Variants in CALCOCO1 observed in about 807,000 individuals in gnomAD.
CALCOCO1 encodes the protein calcium binding and coiled-coil domain 1.
CALCOCO1 carries 44 observed loss-of-function variants against 86.3 expected under a neutral mutation model. The ratio of observed to expected loss-of-function variants is 0.51; its 90% confidence interval spans 0.40 to 0.66. The LOEUF (loss-of-function observed/expected upper bound fraction) is 0.66, where lower values mean the gene tolerates loss of function less well. Among genes scored for constraint, CALCOCO1 ranks in the 30% least tolerant of loss-of-function variants. CALCOCO1 has a pLI of 0.00. For synonymous variants in CALCOCO1, 297 were observed against 327.6 expected (o/e 0.91, Z 1.01); for missense variants, 708 against 851.1 (o/e 0.83, Z 2.09).
chr12:53,712,751 C>A (rs781291467), intron 14 of CALCOCO1: 3 of 1,264,212 alleles, frequency 2.4e-6, no homozygotes, highest in Non-Finnish European at 3.1e-6. Flanking sequence ...CTCCCTTCCT[C>A]CCCGGAGGAC....
At position 53,711,726 on chromosome 12, in the gene CALCOCO1, C is replaced by T. The variant is rs1945556570; in HGVS notation, c.*218G>A. The T allele has an allele frequency of 2.3e-6, 1 of 442,056 alleles. No homozygotes were observed. Among genetic ancestry groups the T allele is most frequent in the Middle Eastern group, 5.8e-4 (1 of 1,730 alleles). 27.4% of individuals were successfully genotyped at this position (442,056 alleles called of 1,614,324 possible). A position where few individuals can be genotyped will look rare whatever the true frequency, so the allele number is the denominator to read the frequency against. On this transcript the variant is annotated 3_prime_UTR_variant, in exon 15 of 15. Coordinates refer to ENST00000550804, the MANE Select transcript of CALCOCO1 (RefSeq NM_020898.3). ...TTTCAGGGGATAAATTCAGCCACTG[C>T]TTCCGAACAGGACCCCTCCCTGGGA...
In CALCOCO1 at chr12:53,715,217, C is replaced by T. The variant is rs1354876722; in HGVS notation, c.1369G>A (p.Glu457Lys). ...NQVFKTELAR[E>K]KDSSLVQLSE... ...TGCCTCACCAGGCTAGAATCCTTCT[C>T]CCGGGCCAGCTCAGTCTTGAACACT... The change falls in exon 10 of 15, where the codon GAG (glutamate) becomes AAG (lysine). Residue 457 changes from glutamate (E) to lysine (K), a missense_variant. Physicochemically the swap from Glu to Lys is moderately conservative, Grantham distance 56 (BLOSUM62 1). Transcript: ENST00000550804. 1.2e-6 allele frequency: 2 copies of T among 1,614,136 alleles called. No individual in the cohort carries two copies. Among genetic ancestry groups the T allele is most frequent in the Admixed American group, 1.7e-5 (1 of 60,010 alleles).
rs1945503500 is a variant in CALCOCO1 at position 53,708,699 on chromosome 12, G to A, written c.*3245C>T. On this transcript the variant is annotated 3_prime_UTR_variant, in exon 15 of 15. Coordinates refer to ENST00000550804, the MANE Select transcript of CALCOCO1 (RefSeq NM_020898.3). ...TACTAGATTTTAGGAACACAGTGAT[G>A]TATAAGCATAGAATCTGCCTTCAAG... The A allele has an allele frequency of 6.6e-6, 1 of 152,184 alleles. No homozygotes were observed. The highest frequency in any genetic ancestry group is 2.4e-5 in the African/African-American group (1 of 41,436). The allele number at this position is 152,184 out of a possible 1,614,324, so 9.4% of individuals were successfully genotyped here.
chr12:53,724,673 G>A lies in CALCOCO1; in HGVS notation c.231C>T (p.Ser77=), dbSNP rs1945975457. ...GGAACTGGACACTGGTGTGAATGGG[G>A]GAACCATCAGTTGTACTTTCAGGCA... ...SSVPESTTDG[S]PIHTSVQFQA... The change falls in exon 3 of 15, where the codon TCC becomes TCT. Residue 77 remains serine, a synonymous_variant. Transcript: ENST00000550804. 1 of 1,614,000 alleles carries A rather than the reference G, an allele frequency of 6.2e-7. No individual in the cohort carries two copies. The highest frequency in any genetic ancestry group is 2.2e-5 in the East Asian group (1 of 44,876).
At chr12:53,714,729 G>T in intron 10 of CALCOCO1, 36 bp from the exon 11 acceptor site, 1 of 1,495,934 alleles carries the variant, frequency 6.7e-7, no homozygotes, top group South Asian at 1.1e-5. Flanking sequence ...CTGGAGCCTA[G>T]AATGTACCTC....
intron 1 of CALCOCO1, among the ~76,000 whole-genome samples, chr12:53,726,702 A>G (rs1946042743): frequency 6.6e-6 from 1 of 152,210 alleles, no homozygotes; most frequent in Non-Finnish European, 1.5e-5. Flanking sequence ...TAGGTAGAAC[A>G]AAAAGTTTTT....
At chr12:53,721,952 C>G in intron 5 of CALCOCO1, 73 bp downstream of exon 5, 3 of 1,557,598 alleles carry the variant, frequency 1.9e-6, no homozygotes, top group Non-Finnish European at 2.6e-6. Flanking sequence ...CTCCTTCACC[C>G]TCTTCACTGG....
At chr12:53,712,266 T>C (rs937095400) in intron 14 of CALCOCO1, 145 bp from the exon 15 acceptor site, 3 of 652,880 alleles carry the variant, frequency 4.6e-6, no homozygotes, top group Admixed American at 6.3e-5. Flanking sequence ...CCACAGCGTC[T>C]TTCTCCCCAC....
intron 6 of CALCOCO1, among the ~76,000 whole-genome samples, chr12:53,720,735 A>C (rs1439341680): frequency 6.6e-6 from 1 of 152,254 alleles, no homozygotes; most frequent in African/African-American, 2.4e-5. Context: ...TCATTTAATG[A>C]AATAAGGAAC....
chr12:53,711,325 G>A lies in CALCOCO1; in HGVS notation c.*619C>T, dbSNP rs558883186. On this transcript the variant is annotated 3_prime_UTR_variant, in exon 15 of 15. Coordinates refer to ENST00000550804, the MANE Select transcript of CALCOCO1 (RefSeq NM_020898.3). ...TGCGAGGAGAGGATACAGAATACAG[G>A]AATCCTCAAAAATACAAAAAACCCC... The A allele has an allele frequency of 2.0e-4, 80 of 393,368 alleles. 1 individual carries two copies. The highest frequency in any genetic ancestry group is 1.9e-3 in the Middle Eastern group (3 of 1,558). 24.4% of individuals were successfully genotyped at this position (393,368 alleles called of 1,614,324 possible).
rs564051189 is a variant in CALCOCO1, at chr12:53,720,765, A to C, written c.758+702T>G. On this transcript the variant is annotated intron_variant, in intron 6 of 14. Coordinates refer to ENST00000550804, the MANE Select transcript of CALCOCO1 (RefSeq NM_020898.3). ...AGGAACTAGAGTGTTTAAACTGGTG[A>C]AAATTTGAAGGATGGACATGGGAGG... 2.0e-5 allele frequency among the ~76,000 whole-genome samples: 3 copies of C among 152,372 alleles called. No homozygotes were observed. The South Asian group carries it at 6.2e-4, about 32-fold the overall frequency.
chr12:53,723,886 C>T, intron 3 of CALCOCO1, 103 bp from the exon 4 acceptor site: 3 of 960,702 alleles, frequency 3.1e-6, no homozygotes, highest in Non-Finnish European at 4.6e-6. Flanking sequence ...CTCCACCTCC[C>T]ACAGGCCATA....
intron 7 of CALCOCO1, among the ~76,000 whole-genome samples, chr12:53,718,422 A>G (rs1424151776): frequency 6.6e-6 from 1 of 152,188 alleles, no homozygotes; most frequent in Admixed American, 6.5e-5. Context: ...GTAATAAAAC[A>G]TTGTTTTTGT....
chr12:53,717,349 G>A (rs1945753253), intron 7 of CALCOCO1, among the ~76,000 whole-genome samples: 2 of 152,208 alleles, frequency 1.3e-5, no homozygotes, highest in South Asian at 4.1e-4. Context: ...TTACAGGCGT[G>A]GGCCACTACA....
chr12:53,721,593 T>TC lies in CALCOCO1; in HGVS notation c.631dup (p.Glu211GlyfsTer26). The TC allele has an allele frequency of 5.6e-6, 9 of 1,613,880 alleles. No homozygotes were observed. Among genetic ancestry groups the TC allele is most frequent in the Non-Finnish European group, 6.8e-6 (8 of 1,179,960 alleles). ...CAGGATGTCCCTCTCTTCTGTGATCTCCCCATGGGACCGGGAAATCCCCTG... is the reference window on the plus strand; with the variant it reads ...CAGGATGTCCCTCTCTTCTGTGATCTCCCCCATGGGACCGGGAAATCCCCTG... On this transcript the variant is annotated frameshift_variant, in exon 6 of 15. Coordinates refer to ENST00000550804, the MANE Select transcript of CALCOCO1 (RefSeq NM_020898.3). LOFTEE classifies it high-confidence loss of function.
chr12:53,725,484 T>C lies in CALCOCO1; in HGVS notation c.-24-218A>G, dbSNP rs1447054793. ...AGTCCGTCCCCATCCTGTCTCACACTGTACCCGCTCTGGCTCATAGACCCT... is the reference window on the plus strand; with the variant it reads ...AGTCCGTCCCCATCCTGTCTCACACCGTACCCGCTCTGGCTCATAGACCCT... On this transcript the variant is annotated intron_variant, in intron 1 of 14. Transcript: ENST00000550804. 2.0e-5 allele frequency among the ~76,000 whole-genome samples: 3 copies of C among 152,356 alleles called. No homozygotes were observed. The South Asian group carries it at 6.2e-4, about 32-fold the overall frequency.
intron 8 of CALCOCO1, 106 bp from the exon 9 acceptor site, chr12:53,716,153 T>C: frequency 6.3e-7 from 1 of 1,578,778 alleles, no homozygotes; most frequent in Non-Finnish European, 8.6e-7. Context: ...CGGGGTTGTG[T>C]TGTTTAGTCT....
intron 10 of CALCOCO1, 100 bp downstream of exon 10, chr12:53,715,097 AGTG>A: frequency 8.0e-6 from 11 of 1,366,704 alleles, no homozygotes; most frequent in Non-Finnish European, 1.0e-5. Flanking sequence ...CCAACATGGT[AGTG>A]GACACCTAGC....
Position 53,713,159 on chromosome 12 carries a change from C to T in CALCOCO1, c.1839G>A (p.Gly613=). ...GAAGCAGTAAGTTGGCCTCCTCACC[C>T]CCACTCTGCACAGCTGCCATCAGGA... ...KSVLMAAVQS[G]GEEANLLLPE... Residue 613 remains glycine (G), a synonymous_variant, in exon 14 of 15, where the codon GGG becomes GGA. Coordinates refer to ENST00000550804, the MANE Select transcript of CALCOCO1 (RefSeq NM_020898.3). 1.2e-6 allele frequency: 2 copies of T among 1,614,166 alleles called. No homozygotes were observed. Among genetic ancestry groups the T allele is most frequent in the Admixed American group, 3.3e-5 (2 of 60,028 alleles).
Sources: allele counts gnomAD v4.1 joint callset (sites outside exome capture counted in the v4.1 genomes callset), GRCh38; gene constraint gnomAD v4.1.1; transcripts MANE v1.5; gene names NCBI Gene and HGNC (gene_info 2026-07-23, HGNC 2026-07-21).